Variants in COL4A2 observed in about 807,000 individuals in gnomAD.
COL4A2 encodes the protein collagen alpha-2(IV) chain.
COL4A2 carries 99 observed loss-of-function variants against 200.2 expected under a neutral mutation model. That is an observed-to-expected ratio of 0.49 (90% confidence interval 0.42 to 0.58). COL4A2 has a LOEUF of 0.58. Ranked by LOEUF, COL4A2 falls within the 20% of genes least tolerant of loss-of-function variation. The pLI, the probability that COL4A2 is intolerant of heterozygous loss-of-function variation, is 0.00. For missense variants in COL4A2, 1,950 were observed against 2,314.1 expected (o/e 0.84, Z 3.23); for synonymous variants, 897 against 900.6 (o/e 1.00, Z 0.07).
chr13:110,398,991 G>T (rs530201892), intron 4 of COL4A2, among the ~76,000 whole-genome samples: 1 of 152,166 alleles, frequency 6.6e-6, no homozygotes, highest in South Asian at 2.1e-4. Flanking sequence ...CCGGTTTTTA[G>T]TTGTAAGAAG....
chr13:110,331,237 C>A (rs1341432822), intron 3 of COL4A2, among the ~76,000 whole-genome samples: 1 of 152,126 alleles, frequency 6.6e-6, no homozygotes, highest in Non-Finnish European at 1.5e-5. Flanking sequence ...ATTACAGTTC[C>A]CAATTATTTG....
At chr13:110,350,441 C>G (rs377759758) in intron 3 of COL4A2, among the ~76,000 whole-genome samples, 211 of 152,302 alleles carry the variant, frequency 1.4e-3, no homozygotes, top group African/African-American at 4.9e-3. Context: ...AGAGGCTCAG[C>G]CACTGAGTCC....
chr13:110,478,012 G>A lies in COL4A2; in HGVS notation c.2435G>A (p.Gly812Glu). Residue 812 changes from glycine (G) to glutamate (E), a missense_variant, in exon 30 of 48, where the codon GGG becomes GAG. Physicochemically the swap from Gly to Glu is moderately conservative, Grantham distance 98 (BLOSUM62 -2). Around this residue, in one of 2 missense-constraint regions of COL4A2, gnomAD observed 1,385 missense variants for 1,720.5 expected, o/e 0.80. Coordinates refer to ENST00000360467, the MANE Select transcript of COL4A2 (RefSeq NM_001846.4). ...RGPPGFRGSQ[G>E]MPGMPGLKGQ... ...TCTCTGATTCCTGCAGGAAGCCAAG[G>A]GATGCCTGGGATGCCAGGGCTGAAG... The A allele has an allele frequency of 6.4e-7, 1 of 1,566,858 alleles. No individual in the cohort carries two copies. The highest frequency in any genetic ancestry group is 8.7e-7 in the Non-Finnish European group (1 of 1,153,596).
At chr13:110,384,781 G>T (rs1052119512) in intron 4 of COL4A2, among the ~76,000 whole-genome samples, 8 of 152,214 alleles carry the variant, frequency 5.3e-5, no homozygotes, top group Non-Finnish European at 1.5e-5. Context: ...CCAGTGGACT[G>T]CGAGCTTCTG....
At chr13:110,437,374 G>T (rs1020207228) in intron 13 of COL4A2, among the ~76,000 whole-genome samples, 3 of 152,172 alleles carry the variant, frequency 2.0e-5, no homozygotes, top group Admixed American at 2.0e-4. Flanking sequence ...TACAACCCAG[G>T]CCAGGGTGGG....
At chr13:110,372,943 A>T (rs1878081107) in intron 4 of COL4A2, among the ~76,000 whole-genome samples, 1 of 152,310 alleles carries the variant, frequency 6.6e-6, no homozygotes, top group East Asian at 1.9e-4. Context: ...AAACTGTGGT[A>T]TAGGTTCTAA....
At chr13:110,462,739 T>C (rs1882078129) in intron 24 of COL4A2, among the ~76,000 whole-genome samples, 1 of 152,178 alleles carries the variant, frequency 6.6e-6, no homozygotes, top group African/African-American at 2.4e-5. Context: ...ATTTCATTTT[T>C]GCAACAAACA....
chr13:110,498,367 T>C (rs7334322), intron 40 of COL4A2, among the ~76,000 whole-genome samples: 104,245 of 152,038 alleles, frequency 0.69, 35,896 homozygotes, highest in East Asian at 0.74. Context: ...CATCTGGGAA[T>C]GCAGCAACGG....
At position 110,485,856 on chromosome 13, in the gene COL4A2, T is replaced by C; in HGVS notation, c.3207+20T>C. On this transcript the variant is annotated intron_variant, in intron 34 of 47. Coordinates refer to ENST00000360467, the MANE Select transcript of COL4A2 (RefSeq NM_001846.4). ...AGCCGGGTGAGTGGGCGTCTTTTAC[T>C]CCCCTTGTTCTGTGAGCTCCTCTCC... The C allele has an allele frequency of 6.2e-7, 1 of 1,610,330 alleles. No homozygotes were observed. The highest frequency in any genetic ancestry group is 8.5e-7 in the Non-Finnish European group (1 of 1,179,020).
intron 29 of COL4A2, among the ~76,000 whole-genome samples, chr13:110,475,004 T>C (rs892038796): frequency 6.7e-6 from 1 of 149,236 alleles, no homozygotes; most frequent in Non-Finnish European, 1.5e-5. Context: ...TCACACATGA[T>C]CGTACACTCA....
rs1259100888 is a variant in COL4A2, at chr13:110,512,607, GC to G, written c.*418del. 39 of 193,430 alleles carry G rather than the reference GC, an allele frequency of 2.0e-4. No homozygotes were observed. In the East Asian group the frequency reaches 2.3e-3, roughly 11 times the overall value. 12.0% of individuals were successfully genotyped at this position (193,430 alleles called of 1,614,324 possible). On this transcript the variant is annotated 3_prime_UTR_variant, in exon 48 of 48. Transcript: ENST00000360467. ...TGGCCAGAGGCTCGAGGGGCTCAGGGCCTCAGGCACCCGTCCCCACACGAGG... is the reference window on the plus strand; with the variant it reads ...TGGCCAGAGGCTCGAGGGGCTCAGGGCTCAGGCACCCGTCCCCACACGAGG...
intron 47 of COL4A2, among the ~76,000 whole-genome samples, chr13:110,510,858 G>A (rs1884060049): frequency 6.6e-6 from 1 of 152,238 alleles, no homozygotes; most frequent in Non-Finnish European, 1.5e-5. Flanking sequence ...TGAAGCCGGA[G>A]GTGCCCTGGA....
intron 3 of COL4A2, among the ~76,000 whole-genome samples, chr13:110,352,786 C>A (rs1366706807): frequency 1.3e-5 from 2 of 152,172 alleles, no homozygotes; most frequent in Non-Finnish European, 2.9e-5. Context: ...CCCCCACCAG[C>A]TTTCACAGGC....
chr13:110,414,180 T>C (rs1053764791), intron 4 of COL4A2, among the ~76,000 whole-genome samples: 1 of 152,228 alleles, frequency 6.6e-6, no homozygotes, highest in Non-Finnish European at 1.5e-5. Flanking sequence ...TCAAAAGATA[T>C]GTATTCCATA....
At chr13:110,488,138 GC>G (rs1470440699) in intron 34 of COL4A2, among the ~76,000 whole-genome samples, 3 of 152,166 alleles carry the variant, frequency 2.0e-5, no homozygotes, top group African/African-American at 7.2e-5. Context: ...CGATTCCCCT[GC>G]CACAGCCTCC....
chr13:110,348,226 G>A (rs1261306016), intron 3 of COL4A2, among the ~76,000 whole-genome samples: 1 of 152,234 alleles, frequency 6.6e-6, no homozygotes, highest in Non-Finnish European at 1.5e-5. Flanking sequence ...TTCATTGTAC[G>A]TGGGGGAGCG....
At chr13:110,428,417 C>A (rs753827553) in intron 6 of COL4A2, 50 bp from the exon 7 acceptor site, 24 of 1,096,112 alleles carry the variant, frequency 2.2e-5, no homozygotes, top group Non-Finnish European at 3.0e-5. Flanking sequence ...AGTTACATGA[C>A]AACTAGAAGC....
chr13:110,311,692 G>A (rs1884987094), intron 3 of COL4A2, among the ~76,000 whole-genome samples: 1 of 152,200 alleles, frequency 6.6e-6, no homozygotes, highest in Non-Finnish European at 1.5e-5. Flanking sequence ...AGGCTTGAAA[G>A]CACTCACTGT....
chr13:110,488,397 G>A (rs1371634495), intron 34 of COL4A2, among the ~76,000 whole-genome samples: 1 of 152,200 alleles, frequency 6.6e-6, no homozygotes, highest in Non-Finnish European at 1.5e-5. Context: ...TAAAGTCCCA[G>A]TGGCACCCAG....
Sources: gnomAD v4.1 joint callset for allele counts (sites outside exome capture counted in the v4.1 genomes callset) on GRCh38, gnomAD v4.1.1 for gene constraint, gnomAD v4.1.1 regional missense constraint, MANE v1.5 for transcripts, NCBI Gene and HGNC (gene_info 2026-07-23, HGNC 2026-07-21) for gene names.